TECPR2: variants seen among roughly 807,000 people sequenced by gnomAD.
TECPR2 encodes tectonin beta-propeller repeat-containing protein 2.
In TECPR2, 65 loss-of-function variants were observed where a neutral mutation model predicts 138.1. The observed-to-expected ratio is 0.47, with a 90% CI of 0.39 to 0.58. The LOEUF is 0.58. Ranked by LOEUF, TECPR2 falls within the 20% of genes least tolerant of loss-of-function variation. The pLI is 0.00. For synonymous variants in TECPR2, 746 were observed against 749.8 expected (o/e 0.99, Z 0.08); for missense variants, 1,553 against 1,824.5 (o/e 0.85, Z 2.71).
At chr14:102,392,867 CA>C (rs1459392363) in intron 2 of TECPR2, among the ~76,000 whole-genome samples, 42 of 152,304 alleles carry the variant, frequency 2.8e-4, no homozygotes, top group African/African-American at 9.9e-4. Context: ...AGAATAAATT[CA>C]AACTCTGATG....
chr14:102,453,685 G>C (rs573938070), intron 16 of TECPR2, among the ~76,000 whole-genome samples: 2 of 152,266 alleles, frequency 1.3e-5, no homozygotes, highest in Non-Finnish European at 2.9e-5. Flanking sequence ...CCCTGCACTT[G>C]CAGCAGGACT....
chr14:102,428,733 G>A (rs1435013401), intron 7 of TECPR2, among the ~76,000 whole-genome samples: 1 of 152,196 alleles, frequency 6.6e-6, no homozygotes, highest in African/African-American at 2.4e-5. Flanking sequence ...CTGCACTCCA[G>A]CCTGGATGAC....
At chr14:102,437,179 A>G (rs1889690951) in intron 9 of TECPR2, 7 of 985,236 alleles carry the variant, frequency 7.1e-6, no homozygotes, top group Non-Finnish European at 8.4e-6. Flanking sequence ...TATCTGTACA[A>G]ATACATTTAT....
intron 1 of TECPR2, 44 bp downstream of exon 1, chr14:102,363,160 C>A: frequency 2.9e-6 from 1 of 342,656 alleles, no homozygotes; most frequent in Non-Finnish European, 5.2e-6. Context: ...CCCCCGACGC[C>A]CCCGACGCCT....
At chr14:102,403,920 C>T (rs1888570145) in intron 2 of TECPR2, among the ~76,000 whole-genome samples, 1 of 152,102 alleles carries the variant, frequency 6.6e-6, no homozygotes, top group Non-Finnish European at 1.5e-5. Flanking sequence ...TTTTTGGAGA[C>T]AGGGTCTTGC....
chr14:102,482,944 C>T lies in TECPR2; in HGVS notation c.3790-14035C>T, dbSNP rs917227274. On this transcript the variant is annotated intron_variant, in intron 17 of 19. Coordinates refer to ENST00000359520, the MANE Select transcript of TECPR2 (RefSeq NM_014844.5). ...CTGCAAGCTCTGCCTCCCAGGTTCACGCCATTCTCCTGCCTCAGCCTCCCG... is the reference window on the plus strand; with the variant it reads ...CTGCAAGCTCTGCCTCCCAGGTTCATGCCATTCTCCTGCCTCAGCCTCCCG... 4.0e-5 allele frequency among the ~76,000 whole-genome samples: 6 copies of T among 148,742 alleles called. No homozygotes were observed. The South Asian group carries it at 1.1e-3, about 27-fold the overall frequency.
In TECPR2 at chr14:102,415,495, C is replaced by T. The variant is rs1431894797; in HGVS notation, c.638+702C>T. Among the ~76,000 whole-genome samples, 1 of 152,100 alleles carries T rather than the reference C, an allele frequency of 6.6e-6. No individual in the cohort carries two copies. The highest frequency in any genetic ancestry group is 2.4e-5 in the African/African-American group (1 of 41,412). Reference sequence around the variant, plus strand: ...AAAGACAACTGGAACACCTGGGGAACCTGTAATTCATCATCCCACCCTAGC... The same window carrying T: ...AAAGACAACTGGAACACCTGGGGAATCTGTAATTCATCATCCCACCCTAGC... On this transcript the variant is annotated intron_variant, in intron 5 of 19. Coordinates refer to ENST00000359520, the MANE Select transcript of TECPR2 (RefSeq NM_014844.5). This position sits in a 1 kb window ranked among gnomAD's most constrained non-coding sequence, Gnocchi z 4.3.
intron 7 of TECPR2, among the ~76,000 whole-genome samples, chr14:102,428,628 G>A (rs148574969): frequency 2.0e-3 from 308 of 152,160 alleles, no homozygotes; most frequent in African/African-American, 6.8e-3. Context: ...CAGGCGTGGT[G>A]GCATGCGCCT....
intron 12 of TECPR2, among the ~76,000 whole-genome samples, chr14:102,445,368 G>C (rs1189845641): frequency 6.6e-6 from 1 of 151,892 alleles, no homozygotes; most frequent in Non-Finnish European, 1.5e-5. Flanking sequence ...CAGGGGCCTT[G>C]GATTGGCGGG....
At chr14:102,422,083 A>G (rs1431499336) in intron 5 of TECPR2, among the ~76,000 whole-genome samples, 2 of 152,312 alleles carry the variant, frequency 1.3e-5, no homozygotes, top group East Asian at 3.9e-4. Flanking sequence ...CTAAACTTGA[A>G]TATGCTCTCA....
intron 2 of TECPR2, among the ~76,000 whole-genome samples, chr14:102,404,868 C>T (rs1888612606): frequency 6.6e-6 from 1 of 151,988 alleles, no homozygotes; most frequent in Non-Finnish European, 1.5e-5. Flanking sequence ...GCCACCGTAC[C>T]TGGCCCAGTC....
At chr14:102,408,833 C>T (rs1888736880) in intron 4 of TECPR2, among the ~76,000 whole-genome samples, 1 of 152,176 alleles carries the variant, frequency 6.6e-6, no homozygotes, top group Non-Finnish European at 1.5e-5. Context: ...TCACTTTTTT[C>T]ATTCCACTGT....
chr14:102,459,248 A>G (rs559209744), intron 16 of TECPR2, among the ~76,000 whole-genome samples: 58 of 152,258 alleles, frequency 3.8e-4, no homozygotes, highest in Non-Finnish European at 7.2e-4. Flanking sequence ...AATGTCAGGG[A>G]AAGTCAGTAC....
chr14:102,502,033 G>A lies in TECPR2; in HGVS notation c.*3776G>A, dbSNP rs563938369. ...AAACAGCACAGCCTGTTTATAATTA[G>A]GAAACACTTAAAACAGCCTGGCATT... On this transcript the variant is annotated 3_prime_UTR_variant, in exon 20 of 20. Transcript: ENST00000359520. 1 of 152,360 alleles carries A rather than the reference G, an allele frequency of 6.6e-6. No homozygotes were observed. Among genetic ancestry groups the A allele is most frequent in the East Asian group, 1.9e-4 (1 of 5,188 alleles). The allele number at this position is 152,360 out of a possible 1,614,324, so 9.4% of individuals were successfully genotyped here.
chr14:102,362,968 G>C lies in TECPR2; in HGVS notation c.-221G>C. 3 of 1,381,902 alleles carry C rather than the reference G, an allele frequency of 2.2e-6. No homozygotes were observed. Among genetic ancestry groups the C allele is most frequent in the South Asian group, 1.2e-5 (1 of 80,762 alleles). 85.6% of individuals were successfully genotyped at this position (1,381,902 alleles called of 1,614,324 possible). A position where few individuals can be genotyped will look rare whatever the true frequency, so the allele number is the denominator to read the frequency against. ...TTGTGGCTCTGCCGCTCTAGCCCCC[G>C]GCGGAGCCAGCTGCTGCTCTTCGGT... On this transcript the variant is annotated 5_prime_UTR_variant, in exon 1 of 20. Coordinates refer to ENST00000359520, the MANE Select transcript of TECPR2 (RefSeq NM_014844.5).
Position 102,452,478 on chromosome 14 carries a change from A to G in TECPR2, c.3491A>G (p.Gln1164Arg), listed in dbSNP as rs376261662. The change falls in exon 16 of 20, where the codon CAG (glutamine) becomes CGG (arginine). Residue 1164 changes from glutamine to arginine, a missense_variant. Coordinates refer to ENST00000359520, the MANE Select transcript of TECPR2 (RefSeq NM_014844.5). The part of the protein sequence containing the change: ...QSAQSRPSTV[Q>R]LPPEAEMRAY... ...GCACAGTCGCGGCCCTCCACGGTGC[A>G]GCTGCCTCCCGAAGCCGAGATGCGC... The G allele has an allele frequency of 6.2e-7, 1 of 1,613,610 alleles. No individual in the cohort carries two copies. Among genetic ancestry groups the G allele is most frequent in the Non-Finnish European group, 8.5e-7 (1 of 1,179,968 alleles).
At chr14:102,408,422 T>A in intron 3 of TECPR2, 66 bp from the exon 4 acceptor site, 1 of 1,522,068 alleles carries the variant, frequency 6.6e-7, no homozygotes, top group South Asian at 1.3e-5. Context: ...ACCTTTTCCA[T>A]GTAGCCCCAG....
intron 13 of TECPR2, among the ~76,000 whole-genome samples, chr14:102,447,683 C>T (rs1281369181): frequency 6.6e-6 from 1 of 152,126 alleles, no homozygotes; most frequent in Non-Finnish European, 1.5e-5. Flanking sequence ...TACAGGCACG[C>T]ACCACCAGGC....
At chr14:102,404,631 C>T (rs1325180449) in intron 2 of TECPR2, among the ~76,000 whole-genome samples, 1 of 151,088 alleles carries the variant, frequency 6.6e-6, no homozygotes, top group African/African-American at 2.4e-5. Context: ...GGCTGCAGTG[C>T]AATGGCGTGA....
Sources: allele counts gnomAD v4.1 joint callset (sites outside exome capture counted in the v4.1 genomes callset), GRCh38; gene constraint gnomAD v4.1.1; non-coding constraint Gnocchi (gnomAD v3.1); transcripts MANE v1.5; gene names NCBI Gene and HGNC (gene_info 2026-07-23, HGNC 2026-07-21).